The following TLN2 variants were observed in gnomAD, a reference collection of about 807,000 sequenced individuals.
TLN2 encodes the protein talin 2, also known as talin-2.
In TLN2, 118 loss-of-function variants were observed where a neutral mutation model predicts 294.7. The ratio of observed to expected loss-of-function variants is 0.40; its 90% CI spans 0.34 to 0.47. The LOEUF (loss-of-function observed/expected upper bound fraction) is 0.47. TLN2 is among the 20% of genes least tolerant of loss of function. The pLI is 0.84. For missense variants in TLN2, 3,083 were observed against 3,282.2 expected (o/e 0.94, Z 1.48); for synonymous variants, 1,431 against 1,304.5 (o/e 1.10, Z -2.09).
chr15:62,647,990 C>T (rs1275514418), intron 4 of TLN2, among the ~76,000 whole-genome samples: 1 of 152,150 alleles, frequency 6.6e-6, no homozygotes, highest in Admixed American at 6.5e-5. Context: ...CCACTTGTAC[C>T]ATTTTATTTT....
intron 2 of TLN2, among the ~76,000 whole-genome samples, chr15:62,594,057 G>A (rs1353568474): frequency 2.0e-5 from 3 of 152,188 alleles, no homozygotes; most frequent in African/African-American, 7.2e-5. Flanking sequence ...AAAGCTGGAG[G>A]CATTATACTA....
At chr15:62,400,217 G>T (rs1358449427) in intron 1 of TLN2, among the ~76,000 whole-genome samples, 3 of 152,160 alleles carry the variant, frequency 2.0e-5, no homozygotes, top group African/African-American at 7.2e-5. Flanking sequence ...TGCCATTATT[G>T]TAAGTTTCCT....
In TLN2 at chr15:62,600,244, C is replaced by T. The variant is rs779631670; in HGVS notation, c.-162+10482C>T. On this transcript the variant is annotated intron_variant, in intron 2 of 58. Coordinates refer to ENST00000636159, the MANE Select transcript of TLN2 (RefSeq NM_015059.3). Reference sequence around the variant, plus strand: ...GGGAGAGCTCACAGAGGTTGTGCAGCGACTTGGGCTCTTTCCAGGATGAGT... The same window carrying T: ...GGGAGAGCTCACAGAGGTTGTGCAGTGACTTGGGCTCTTTCCAGGATGAGT... 4.6e-5 allele frequency among the ~76,000 whole-genome samples: 7 copies of T among 152,246 alleles called. No homozygotes were observed. The East Asian group carries it at 7.7e-4, about 17-fold the overall frequency.
At chr15:62,442,937 C>T (rs1413383208) in intron 1 of TLN2, among the ~76,000 whole-genome samples, 3 of 152,138 alleles carry the variant, frequency 2.0e-5, no homozygotes, top group African/African-American at 2.4e-5. Flanking sequence ...TCCTATCTTC[C>T]GTCTTCCGAG....
intron 1 of TLN2, among the ~76,000 whole-genome samples, chr15:62,459,574 G>T (rs1040006422): frequency 1.3e-5 from 2 of 152,176 alleles, no homozygotes; most frequent in African/African-American, 4.8e-5. Flanking sequence ...ACATGTGCAG[G>T]TGTGCTAGGC....
intron 2 of TLN2, among the ~76,000 whole-genome samples, chr15:62,605,348 C>T (rs994973565): frequency 6.6e-6 from 1 of 152,174 alleles, no homozygotes; most frequent in African/African-American, 2.4e-5. Flanking sequence ...TAACATTTTA[C>T]AAATTTAATA....
chr15:62,535,545 T>G (rs1412928557), intron 1 of TLN2, among the ~76,000 whole-genome samples: 1 of 149,162 alleles, frequency 6.7e-6, no homozygotes, highest in African/African-American at 2.5e-5. Flanking sequence ...AGTATTGGGT[T>G]AGATAACTTG....
At chr15:62,524,575 C>T (rs969613355) in intron 1 of TLN2, among the ~76,000 whole-genome samples, 5 of 152,172 alleles carry the variant, frequency 3.3e-5, no homozygotes, top group African/African-American at 1.2e-4. Flanking sequence ...GCCTCCCTAC[C>T]TTGAAGTAGC....
chr15:62,680,578 A>G (rs891955734), intron 11 of TLN2, among the ~76,000 whole-genome samples: 1 of 151,760 alleles, frequency 6.6e-6, no homozygotes, highest in African/African-American at 2.4e-5. Flanking sequence ...TACCTAAGGG[A>G]TACTTTTTTT....
In TLN2 at chr15:62,838,947, T is replaced by C; in HGVS notation, c.7466T>C (p.Val2489Ala). 6.2e-7 allele frequency: 1 copy of C among 1,614,204 alleles called. No homozygotes were observed. Among genetic ancestry groups the C allele is most frequent in the Non-Finnish European group, 8.5e-7 (1 of 1,180,030 alleles). ...GGCAAAGCTGATGACGACGATGTTG[T>C]AGTGAAAACCAAGTTTGTGGGGGGC... ...AFGKADDDDV[V>A]VKTKFVGGIA... Residue 2489 changes from valine (V) to alanine (A), a missense_variant, in exon 58 of 59, where the codon GTA becomes GCA. Val to Ala is a moderately conservative substitution (Grantham distance 64, BLOSUM62 0). Coordinates refer to ENST00000636159, the MANE Select transcript of TLN2 (RefSeq NM_015059.3).
At chr15:62,417,836 G>A (rs1165809473) in intron 1 of TLN2, among the ~76,000 whole-genome samples, 1 of 152,190 alleles carries the variant, frequency 6.6e-6, no homozygotes, top group Non-Finnish European at 1.5e-5. Flanking sequence ...GGCTTGTCAG[G>A]CCTTCCCCTC....
chr15:62,576,036 G>T (rs2044364766), intron 1 of TLN2, among the ~76,000 whole-genome samples: 2 of 152,118 alleles, frequency 1.3e-5, no homozygotes, highest in Admixed American at 1.3e-4. Flanking sequence ...TTGACTCTTG[G>T]TCTGCAGGGG....
At chr15:62,505,645 C>G (rs971108319) in intron 1 of TLN2, among the ~76,000 whole-genome samples, 35 of 152,154 alleles carry the variant, frequency 2.3e-4, no homozygotes, top group African/African-American at 8.0e-4. Context: ...CTGTCTTACG[C>G]ACAAATATGT....
chr15:62,703,291 C>T (rs774117825), intron 19 of TLN2, among the ~76,000 whole-genome samples: 9 of 151,780 alleles, frequency 5.9e-5, no homozygotes, highest in South Asian at 4.2e-4. Flanking sequence ...TTAGTAGAGA[C>T]GGGGTTTCAC....
intron 35 of TLN2, among the ~76,000 whole-genome samples, 189 bp from the exon 36 acceptor site, chr15:62,753,584 G>C (rs1326871409): frequency 6.6e-6 from 1 of 152,186 alleles, no homozygotes; most frequent in Non-Finnish European, 1.5e-5. Context: ...ACTACTTCTG[G>C]TATGTCAAGC....
At chr15:62,746,984 C>T (rs576189456) in intron 32 of TLN2, among the ~76,000 whole-genome samples, 3 of 152,226 alleles carry the variant, frequency 2.0e-5, no homozygotes, top group African/African-American at 7.2e-5. Flanking sequence ...ATCGACAAAA[C>T]ATTGACCATG....
intron 28 of TLN2, among the ~76,000 whole-genome samples, chr15:62,734,825 G>A (rs1394892315): frequency 6.6e-6 from 1 of 152,300 alleles, no homozygotes; most frequent in African/African-American, 2.4e-5. Flanking sequence ...CTGGTTTTAT[G>A]GATCTGAGGC....
rs1315693560 is a variant in TLN2 at position 62,557,596 on chromosome 15, C to T, written c.-237-32091C>T. ...CCTGGGAACACTGCAGTGGCGTGAT[C>T]TCGGCTCACTGCAACCTCCACCTCC... On this transcript the variant is annotated intron_variant, in intron 1 of 58. Coordinates refer to ENST00000636159, the MANE Select transcript of TLN2 (RefSeq NM_015059.3). Among the ~76,000 whole-genome samples, 3 of 152,214 alleles carry T rather than the reference C, an allele frequency of 2.0e-5. No individual in the cohort carries two copies. In the East Asian group the frequency reaches 5.8e-4, roughly 29 times the overall value.
intron 1 of TLN2, among the ~76,000 whole-genome samples, chr15:62,405,871 G>C (rs892367128): frequency 3.3e-5 from 5 of 152,210 alleles, no homozygotes; most frequent in Non-Finnish European, 7.3e-5. Flanking sequence ...TGAGTGCCCC[G>C]ATCTTGTGAC....
Sources: gnomAD v4.1 joint callset for allele counts (sites outside exome capture counted in the v4.1 genomes callset) on GRCh38, gnomAD v4.1.1 for gene constraint, MANE v1.5 for transcripts, NCBI Gene and HGNC (gene_info 2026-07-23, HGNC 2026-07-21) for gene names.